Variants in AKAP6 observed in about 807,000 individuals in gnomAD.
AKAP6 encodes the protein A-kinase anchoring protein 6, also known as A-kinase anchor protein 6.
AKAP6 carries 58 observed loss-of-function variants against 188.5 expected under a neutral mutation model. The ratio of observed to expected loss-of-function variants is 0.31; its 90% confidence interval spans 0.25 to 0.38. AKAP6 has a LOEUF of 0.38. AKAP6 is among the 10% of genes least tolerant of loss of function. The pLI, the probability that AKAP6 is intolerant of heterozygous loss-of-function variation, is 1.00. For synonymous variants in AKAP6, 989 were observed against 998.6 expected (o/e 0.99, Z 0.18); for missense variants, 2,710 against 2,740.0 (o/e 0.99, Z 0.24).
intron 2 of AKAP6, among the ~76,000 whole-genome samples, chr14:32,480,317 T>C (rs571959871): frequency 5.3e-5 from 8 of 152,326 alleles, no homozygotes; most frequent in Non-Finnish European, 7.4e-5. Context: ...AAATTCACAA[T>C]TGACCTGAAT....
chr14:32,715,626 A>G (rs565672735), intron 9 of AKAP6, among the ~76,000 whole-genome samples: 1 of 151,954 alleles, frequency 6.6e-6, no homozygotes, highest in South Asian at 2.1e-4. Context: ...TTTTAGGGGG[A>G]AAAAAACCTC....
At chr14:32,480,369 T>G (rs1414748571) in intron 2 of AKAP6, among the ~76,000 whole-genome samples, 1 of 152,204 alleles carries the variant, frequency 6.6e-6, no homozygotes, top group Non-Finnish European at 1.5e-5. Flanking sequence ...ATGAAAGATC[T>G]GGGTTAAGCC....
At chr14:32,473,698 T>G (rs1878902769) in intron 2 of AKAP6, 1 of 152,252 alleles carries the variant, frequency 6.6e-6, no homozygotes, top group Non-Finnish European at 1.5e-5. Context: ...GACATTCTAG[T>G]GCTTTAGATG....
At chr14:32,423,351 G>T (rs987908370) in intron 1 of AKAP6, among the ~76,000 whole-genome samples, 3 of 151,438 alleles carry the variant, frequency 2.0e-5, no homozygotes, top group Admixed American at 6.6e-5. Flanking sequence ...TTGTATTTTT[G>T]TGTGTGTGTG....
intron 11 of AKAP6, among the ~76,000 whole-genome samples, chr14:32,763,754 A>G (rs1288954289): frequency 6.6e-6 from 1 of 152,180 alleles, no homozygotes; most frequent in African/African-American, 2.4e-5. Flanking sequence ...TTTAGCTTCA[A>G]TATAGATTAA....
intron 7 of AKAP6, among the ~76,000 whole-genome samples, chr14:32,655,139 C>T (rs555407143): frequency 6.6e-6 from 1 of 152,208 alleles, no homozygotes; most frequent in South Asian, 2.1e-4. Flanking sequence ...GAATATGCAG[C>T]AGATTAGGAA....
At chr14:32,526,357 A>C (rs1033187571) in intron 2 of AKAP6, among the ~76,000 whole-genome samples, 1 of 152,056 alleles carries the variant, frequency 6.6e-6, no homozygotes, top group African/African-American at 2.4e-5. Flanking sequence ...TTCAGCCTCC[A>C]GAGTAGCTTG....
chr14:32,707,733 A>G (rs138174847), intron 9 of AKAP6, among the ~76,000 whole-genome samples: 4 of 152,078 alleles, frequency 2.6e-5, no homozygotes, highest in African/African-American at 9.7e-5. Context: ...TATGCTATCA[A>G]TTCATTACTT....
At chr14:32,599,277 G>A (rs1462019333) in intron 5 of AKAP6, 133 bp from the exon 6 acceptor site, 7 of 646,922 alleles carry the variant, frequency 1.1e-5, no homozygotes, top group South Asian at 4.8e-5. Flanking sequence ...ATAGCTTTTA[G>A]TATTGCAAAT....
intron 7 of AKAP6, among the ~76,000 whole-genome samples, chr14:32,652,672 G>A (rs1431448475): frequency 6.6e-6 from 1 of 152,116 alleles, no homozygotes; most frequent in East Asian, 1.9e-4. Context: ...TCAAGCTACA[G>A]CTCTACTGCT....
chr14:32,811,255 A>AAAAAAAT lies in AKAP6; in HGVS notation c.3589-10146_3589-10145insAAAAATA, dbSNP rs546819675. Among the ~76,000 whole-genome samples, 17 of 118,346 alleles carry AAAAAAAT rather than the reference A, an allele frequency of 1.4e-4. 1 individual carries two copies. Among genetic ancestry groups the AAAAAAAT allele is most frequent in the East Asian group, 5.2e-4 (2 of 3,844 alleles). The allele number at this position is 118,346 out of a possible 152,430, so 77.6% of individuals were successfully genotyped here. A position where few individuals can be genotyped will look rare whatever the true frequency, so the allele number is the denominator to read the frequency against. On this transcript the variant is annotated intron_variant, in intron 12 of 13. Coordinates refer to ENST00000280979, the MANE Select transcript of AKAP6 (RefSeq NM_004274.5). ...CTCCGTCTCAGGAAAAAAAAAAAAA[A>AAAAAAAT]AGTTGAAAAACAGACTAAGATAATG...
At chr14:32,557,898 C>G (rs1883761612) in intron 4 of AKAP6, among the ~76,000 whole-genome samples, 1 of 152,048 alleles carries the variant, frequency 6.6e-6, no homozygotes, top group Non-Finnish European at 1.5e-5. Context: ...AGAGTATCTT[C>G]TACTTTCTTC....
At chr14:32,526,955 C>T (rs1376629307) in intron 2 of AKAP6, among the ~76,000 whole-genome samples, 2 of 152,192 alleles carry the variant, frequency 1.3e-5, no homozygotes, top group African/African-American at 2.4e-5. Flanking sequence ...CCTACTTTGG[C>T]ACATCATTAT....
intron 1 of AKAP6, among the ~76,000 whole-genome samples, chr14:32,392,229 C>T (rs376644897): frequency 4.4e-4 from 67 of 152,142 alleles, no homozygotes; most frequent in African/African-American, 1.6e-3. Flanking sequence ...TTGTTTTTCA[C>T]AGGGTTAGCA....
At chr14:32,761,910 A>T (rs1256538948) in intron 11 of AKAP6, among the ~76,000 whole-genome samples, 1 of 152,138 alleles carries the variant, frequency 6.6e-6, no homozygotes, top group Admixed American at 6.5e-5. Flanking sequence ...GAGAAGGAAA[A>T]TGCCTTCATC....
At chr14:32,572,109 T>C (rs962726107) in intron 4 of AKAP6, among the ~76,000 whole-genome samples, 1 of 152,212 alleles carries the variant, frequency 6.6e-6, no homozygotes, top group Non-Finnish European at 1.5e-5. Context: ...GACCTGGGTC[T>C]GATAATTTGT....
intron 12 of AKAP6, among the ~76,000 whole-genome samples, chr14:32,783,203 A>G (rs763719230): frequency 6.6e-6 from 1 of 152,166 alleles, no homozygotes; most frequent in African/African-American, 2.4e-5. Flanking sequence ...TTGAATTTCC[A>G]TATGCACAGA....
intron 11 of AKAP6, among the ~76,000 whole-genome samples, chr14:32,751,293 A>G (rs564606930): frequency 6.6e-6 from 1 of 152,042 alleles, no homozygotes; most frequent in South Asian, 2.1e-4. Flanking sequence ...CAGAAAATGT[A>G]TTTTACTTTT....
At chr14:32,777,704 A>G (rs768607544) in intron 12 of AKAP6, among the ~76,000 whole-genome samples, 1 of 152,204 alleles carries the variant, frequency 6.6e-6, no homozygotes, top group Non-Finnish European at 1.5e-5. Context: ...GGTATCTTCA[A>G]GCAGCCTAAT....
Sources: gnomAD v4.1 joint callset for allele counts (sites outside exome capture counted in the v4.1 genomes callset) on GRCh38, gnomAD v4.1.1 for gene constraint, MANE v1.5 for transcripts, NCBI Gene and HGNC (gene_info 2026-07-23, HGNC 2026-07-21) for gene names.